Variants in DGKB observed in about 807,000 individuals in gnomAD.
DGKB encodes the protein diacylglycerol kinase beta, also known as 90 kDa diacylglycerol kinase.
A neutral mutation model predicts 114.3 loss-of-function variants in DGKB; 67 were observed. That is an observed-to-expected ratio of 0.59 (90% confidence interval 0.48 to 0.72). The LOEUF is 0.72. Ranked by LOEUF, DGKB falls within the 30% of genes least tolerant of loss-of-function variation. The probability of loss-of-function intolerance (pLI) is 0.00; values close to 1 mark genes in which losing one functional copy is unlikely to be tolerated. For synonymous variants in DGKB, 398 were observed against 323.1 expected (o/e 1.23, Z -2.49); for missense variants, 907 against 975.2 (o/e 0.93, Z 0.93).
At chr7:14,705,784 C>A (rs1205001065) in intron 6 of DGKB, among the ~76,000 whole-genome samples, 1 of 151,778 alleles carries the variant, frequency 6.6e-6, no homozygotes, top group African/African-American at 2.4e-5. Flanking sequence ...TTGTCACCAC[C>A]AGACCTGCCC....
chr7:14,949,169 A>C (rs144660955), intron 1 of DGKB, among the ~76,000 whole-genome samples: 25 of 152,004 alleles, frequency 1.6e-4, no homozygotes, highest in Middle Eastern at 3.4e-3. Flanking sequence ...AACATTAATA[A>C]AAAAATCTAT....
chr7:14,509,923 C>T (rs1787725054), intron 20 of DGKB, among the ~76,000 whole-genome samples: 1 of 152,162 alleles, frequency 6.6e-6, no homozygotes. Context: ...CGCCTATAAT[C>T]CCCGCACATT....
At chr7:14,345,416 C>CTTA (rs1394521424) in intron 21 of DGKB, 25 bp from the exon 22 acceptor site, 2 of 1,265,616 alleles carry the variant, frequency 1.6e-6, no homozygotes, top group Non-Finnish European at 2.2e-6. Context: ...GAAGAAGCAC[C>CTTA]TTAGGCAATT....
At chr7:14,452,122 G>A (rs1831613577) in intron 21 of DGKB, among the ~76,000 whole-genome samples, 1 of 152,000 alleles carries the variant, frequency 6.6e-6, no homozygotes, top group Non-Finnish European at 1.5e-5. Context: ...CGATATGCTT[G>A]CAATATTTCC....
chr7:14,722,442 C>G (rs957240624), intron 5 of DGKB, among the ~76,000 whole-genome samples: 2 of 152,054 alleles, frequency 1.3e-5, no homozygotes, highest in African/African-American at 4.8e-5. Context: ...CTTTTTATCA[C>G]TGAATAACAT....
intron 1 of DGKB, among the ~76,000 whole-genome samples, chr7:14,881,504 G>C (rs1854230497): frequency 6.6e-6 from 1 of 152,064 alleles, no homozygotes; most frequent in Non-Finnish European, 1.5e-5. Flanking sequence ...GAACATTCTT[G>C]CCATTTTCTC....
chr7:14,528,875 TA>T (rs1329813780), intron 20 of DGKB, among the ~76,000 whole-genome samples: 1 of 151,968 alleles, frequency 6.6e-6, no homozygotes, highest in African/African-American at 2.4e-5. Context: ...CATATTTCTT[TA>T]AAAAATTGCT....
chr7:14,608,934 G>GA (rs911226641), intron 16 of DGKB, among the ~76,000 whole-genome samples: 2 of 151,672 alleles, frequency 1.3e-5, no homozygotes, highest in African/African-American at 2.4e-5. Context: ...ACAAACAAAT[G>GA]AAAAAAAATC....
At chr7:14,505,454 GA>G (rs34743730) in intron 20 of DGKB, among the ~76,000 whole-genome samples, 88 of 132,024 alleles carry the variant, frequency 6.7e-4, no homozygotes, top group Middle Eastern at 7.9e-3. Flanking sequence ...ACTCCGTCTC[GA>G]AAAAAAAAAA....
rs12381312 is a variant in DGKB at position 14,704,724 on chromosome 7, G to T, written c.467-2994C>A. 5.7e-3 allele frequency among the ~76,000 whole-genome samples: 866 copies of T among 150,972 alleles called. 6 individuals are homozygous for T. Among genetic ancestry groups the T allele is most frequent in the African/African-American group, 0.019 (801 of 41,082 alleles). On this transcript the variant is annotated intron_variant, in intron 6 of 25. Coordinates refer to ENST00000402815, the MANE Select transcript of DGKB (RefSeq NM_001350709.2). ...GCAGGGGCACACTGACACCTCACACGGCAGGGTATTCCAATAGACCTGCAG... is the reference window on the plus strand; with the variant it reads ...GCAGGGGCACACTGACACCTCACACTGCAGGGTATTCCAATAGACCTGCAG...
chr7:14,517,667 T>A (rs1052497287), intron 20 of DGKB, among the ~76,000 whole-genome samples: 2 of 151,928 alleles, frequency 1.3e-5, no homozygotes, highest in Non-Finnish European at 2.9e-5. Context: ...GAATGGACAC[T>A]GCAAAAGAAG....
At chr7:14,640,375 A>G (rs1002895200) in intron 13 of DGKB, among the ~76,000 whole-genome samples, 2 of 152,188 alleles carry the variant, frequency 1.3e-5, no homozygotes, top group African/African-American at 4.8e-5. Flanking sequence ...TAATCAAAGG[A>G]AGTAATTTAA....
At chr7:14,239,096 G>C (rs1793260694) in intron 23 of DGKB, among the ~76,000 whole-genome samples, 1 of 151,890 alleles carries the variant, frequency 6.6e-6, no homozygotes, top group African/African-American at 2.4e-5. Flanking sequence ...TGTTAGGCTT[G>C]CATCTGTTTA....
intron 19 of DGKB, among the ~76,000 whole-genome samples, chr7:14,577,636 A>G (rs997852018): frequency 6.6e-6 from 1 of 152,076 alleles, no homozygotes. Flanking sequence ...AAGTGTGTCC[A>G]ATTTACAACT....
rs140566941 is a variant in DGKB, at chr7:14,147,570, A to G, written c.*1561T>C. 23 of 152,376 alleles carry G rather than the reference A, an allele frequency of 1.5e-4. No individual in the cohort carries two copies. The highest frequency in any genetic ancestry group is 5.0e-4 in the African/African-American group (21 of 41,588). The allele number at this position is 152,376 out of a possible 1,614,324, so 9.4% of individuals were successfully genotyped here. On this transcript the variant is annotated 3_prime_UTR_variant, in exon 26 of 26. Transcript: ENST00000402815. Reference sequence around the variant, plus strand: ...GTGTTCAACAGAATCACTAAATGCTATTTGTTATTCAAAGAAAGATGAATG... The same window carrying G: ...GTGTTCAACAGAATCACTAAATGCTGTTTGTTATTCAAAGAAAGATGAATG...
intron 23 of DGKB, among the ~76,000 whole-genome samples, chr7:14,290,468 T>C (rs1003471263): frequency 6.6e-6 from 1 of 152,084 alleles, no homozygotes; most frequent in Non-Finnish European, 1.5e-5. Flanking sequence ...TTTACAACCA[T>C]GGAGTTTTAT....
Position 14,213,200 on chromosome 7 carries a change from A to G in DGKB, c.2123-35049T>C, listed in dbSNP as rs560347106. ...TTTCGTATATATATCAATTTGATTC[A>G]TTTTAATTAATGCCCAAAATACCAC... On this transcript the variant is annotated intron_variant, in intron 23 of 25. Transcript: ENST00000402815. Among the ~76,000 whole-genome samples, 38 of 152,214 alleles carry G rather than the reference A, an allele frequency of 2.5e-4. No homozygotes were observed. The South Asian group carries it at 7.5e-3, about 30-fold the overall frequency.
intron 14 of DGKB, among the ~76,000 whole-genome samples, chr7:14,624,819 G>A (rs1808279641): frequency 6.6e-6 from 1 of 152,036 alleles, no homozygotes; most frequent in Non-Finnish European, 1.5e-5. Context: ...GCAACATGGT[G>A]AGCCCCTGTC....
At chr7:14,541,108 C>T (rs1326196842) in intron 20 of DGKB, among the ~76,000 whole-genome samples, 3 of 146,044 alleles carry the variant, frequency 2.1e-5, no homozygotes, top group African/African-American at 5.0e-5. Context: ...TGTTGGTCTC[C>T]TTTTTTTTTT....
Sources: gnomAD v4.1 joint callset for allele counts (sites outside exome capture counted in the v4.1 genomes callset) on GRCh38, gnomAD v4.1.1 for gene constraint, MANE v1.5 for transcripts, NCBI Gene and HGNC (gene_info 2026-07-23, HGNC 2026-07-21) for gene names.